Variants in SNAP91 observed in about 807,000 individuals in gnomAD.
SNAP91 encodes synaptosome associated protein 91.
SNAP91 carries 27 observed loss-of-function variants against 100.3 expected under a neutral mutation model. The ratio of observed to expected loss-of-function variants is 0.27; its 90% CI spans 0.20 to 0.37. The LOEUF is 0.37. Ranked by LOEUF, SNAP91 falls within the 10% of genes least tolerant of loss-of-function variation. The pLI, the probability that SNAP91 is intolerant of heterozygous loss-of-function variation, is 1.00. For missense variants in SNAP91, 986 were observed against 1,123.7 expected (o/e 0.88, Z 1.75); for synonymous variants, 404 against 398.6 (o/e 1.01, Z -0.16).
rs2094119566 is a variant in SNAP91, at chr6:83,593,723, T to C, written c.1451A>G (p.Glu484Gly). 1.3e-6 allele frequency: 2 copies of C among 1,588,462 alleles called. No individual in the cohort carries two copies. The highest frequency in any genetic ancestry group is 1.7e-6 in the Non-Finnish European group (2 of 1,163,700). ...CTCAGGTGCAGCCTCTGCACTACCT[T>C]CAGACGGGGCAAAGGGGTCTTTTGG... is the stretch of plus-strand genomic sequence containing the variant. ...CSGNDPFAPS[E>G]GSAEAAPELD... Residue 484 changes from glutamate (E) to glycine (G), a missense_variant, in exon 18 of 30, where the codon GAA (glutamate) becomes GGA (glycine). By Grantham distance (98) the Glu-to-Gly change is moderately conservative. This residue lies in a region of SNAP91 where 575 missense variants were observed against 579.9 expected (regional missense o/e 0.99). Coordinates refer to ENST00000369694, the MANE Select transcript of SNAP91 (RefSeq NM_001242792.2).
chr6:83,694,791 T>C (rs2099174549), intron 2 of SNAP91, among the ~76,000 whole-genome samples: 2 of 152,176 alleles, frequency 1.3e-5, no homozygotes, highest in African/African-American at 4.8e-5. Context: ...TTTCCTCATA[T>C]TGGTTACAAG....
chr6:83,579,313 AT>A (rs1824521617), intron 24 of SNAP91, among the ~76,000 whole-genome samples: 1 of 152,168 alleles, frequency 6.6e-6, no homozygotes, highest in South Asian at 2.1e-4. Context: ...TAAGTCCTTT[AT>A]TTCTGAAAGG....
intron 16 of SNAP91, among the ~76,000 whole-genome samples, chr6:83,597,249 A>G (rs1399840021): frequency 6.6e-6 from 1 of 152,210 alleles, no homozygotes; most frequent in Non-Finnish European, 1.5e-5. Flanking sequence ...TACCAGGCCC[A>G]ATCACTGTCT....
At chr6:83,642,912 GT>G (rs971761093) in intron 7 of SNAP91, among the ~76,000 whole-genome samples, 63 of 152,292 alleles carry the variant, frequency 4.1e-4, no homozygotes, top group African/African-American at 1.5e-3. Flanking sequence ...TCTCATTGTG[GT>G]TTTGATTTGC....
chr6:83,582,397 AG>A (rs757933639), intron 22 of SNAP91, 41 bp from the exon 23 acceptor site: 1 of 1,581,028 alleles, frequency 6.3e-7, no homozygotes. Flanking sequence ...AATAACATAA[AG>A]GTGGGTAAAG....
At chr6:83,701,236 T>C (rs1391792282) in intron 2 of SNAP91, among the ~76,000 whole-genome samples, 1 of 152,042 alleles carries the variant, frequency 6.6e-6, no homozygotes, top group Non-Finnish European at 1.5e-5. Context: ...ATGGAGATAC[T>C]TGAAAATACT....
chr6:83,623,870 AATAAC>A (rs1313414937), intron 8 of SNAP91, among the ~76,000 whole-genome samples: 2 of 152,104 alleles, frequency 1.3e-5, no homozygotes, highest in Admixed American at 1.3e-4. Context: ...CAACACAAAT[AATAAC>A]ATATTATATA....
chr6:83,573,764 A>T (rs903627993), intron 26 of SNAP91, among the ~76,000 whole-genome samples: 1 of 152,236 alleles, frequency 6.6e-6, no homozygotes, highest in Admixed American at 6.5e-5. Context: ...GAAAGCTGAA[A>T]CTGGATCCCT....
At chr6:83,585,839 A>AT (rs915653796) in intron 22 of SNAP91, among the ~76,000 whole-genome samples, 16 of 147,988 alleles carry the variant, frequency 1.1e-4, no homozygotes, top group African/African-American at 3.7e-4. Flanking sequence ...CAGGAGTACA[A>AT]TTTTTTTTTC....
At chr6:83,569,258 G>A (rs1329823524) in intron 26 of SNAP91, among the ~76,000 whole-genome samples, 7 of 151,876 alleles carry the variant, frequency 4.6e-5, no homozygotes, top group South Asian at 4.2e-4. Flanking sequence ...TTCTCTTTCC[G>A]TAGCTGCTGT....
intron 7 of SNAP91, among the ~76,000 whole-genome samples, chr6:83,646,265 C>T (rs937993051): frequency 3.3e-5 from 5 of 152,178 alleles, no homozygotes; most frequent in African/African-American, 1.2e-4. Context: ...CCATGGATCA[C>T]ACCTCTGATG....
At chr6:83,618,621 A>G (rs1353412877) in intron 9 of SNAP91, among the ~76,000 whole-genome samples, 6 of 152,018 alleles carry the variant, frequency 3.9e-5, no homozygotes, top group Non-Finnish European at 7.4e-5. Context: ...ATAAAAAAAT[A>G]AATGGCTTCA....
intron 22 of SNAP91, among the ~76,000 whole-genome samples, chr6:83,582,817 TC>T (rs776041517): frequency 1.3e-5 from 2 of 152,186 alleles, no homozygotes; most frequent in Non-Finnish European, 1.5e-5. Flanking sequence ...TCATACATGT[TC>T]TAGCCCCACT....
intron 13 of SNAP91, among the ~76,000 whole-genome samples, chr6:83,606,061 A>G (rs1268879619): frequency 2.0e-5 from 3 of 152,226 alleles, no homozygotes; most frequent in East Asian, 1.9e-4. Context: ...ATGTAGAATG[A>G]AATTAAGACA....
intron 2 of SNAP91, among the ~76,000 whole-genome samples, chr6:83,683,788 C>A (rs1245305510): frequency 6.6e-6 from 1 of 152,190 alleles, no homozygotes; most frequent in Admixed American, 6.6e-5. Flanking sequence ...TCATTACCTT[C>A]TTTTCAAACC....
At chr6:83,569,085 G>C (rs1164682212) in intron 26 of SNAP91, among the ~76,000 whole-genome samples, 3 of 152,004 alleles carry the variant, frequency 2.0e-5, no homozygotes, top group Non-Finnish European at 4.4e-5. Context: ...AAATAAAATG[G>C]AGTATCTATA....
chr6:83,598,561 G>C (rs953216546), intron 16 of SNAP91, among the ~76,000 whole-genome samples: 9 of 152,090 alleles, frequency 5.9e-5, no homozygotes, highest in Non-Finnish European at 8.8e-5. Flanking sequence ...TATTTCTAAA[G>C]AAATCTACTT....
At chr6:83,651,814 A>G (rs2098220288) in intron 7 of SNAP91, among the ~76,000 whole-genome samples, 1 of 152,086 alleles carries the variant, frequency 6.6e-6, no homozygotes, top group African/African-American at 2.4e-5. Context: ...CTGCCTCCTG[A>G]ATCTGTCCAT....
chr6:83,708,050 C>G, intron 1 of SNAP91, 93 bp from the exon 2 acceptor site: 1 of 1,150,160 alleles, frequency 8.7e-7, no homozygotes, highest in South Asian at 1.9e-5. Context: ...CGCGGCGGCT[C>G]TCTCCTCCTC....
Sources: allele counts gnomAD v4.1 joint callset (sites outside exome capture counted in the v4.1 genomes callset), GRCh38; gene constraint gnomAD v4.1.1; regional missense constraint gnomAD v4.1.1; transcripts MANE v1.5; gene names NCBI Gene and HGNC (gene_info 2026-07-23, HGNC 2026-07-21).